The following FYCO1 variants were observed in gnomAD, a reference collection of about 807,000 sequenced individuals.
FYCO1 encodes FYVE and coiled-coil domain autophagy adaptor 1, also known as FYVE and coiled-coil domain-containing protein 1.
A neutral mutation model predicts 165.1 loss-of-function variants in FYCO1; 122 were observed. That is an observed-to-expected ratio of 0.74 (90% CI 0.64 to 0.86). The LOEUF (loss-of-function observed/expected upper bound fraction) is 0.86. Among genes scored for constraint, FYCO1 ranks in the 40% least tolerant of loss-of-function variants. The pLI, the probability that FYCO1 is intolerant of heterozygous loss-of-function variation, is 0.00. For synonymous variants in FYCO1, 648 were observed against 742.5 expected (o/e 0.87, Z 2.07); for missense variants, 1,702 against 1,810.3 (o/e 0.94, Z 1.09).
chr3:45,979,863 C>T (rs533005794), intron 3 of FYCO1, 33 bp from the exon 4 acceptor site: 11 of 1,612,562 alleles, frequency 6.8e-6, no homozygotes, highest in Non-Finnish European at 9.3e-6. Flanking sequence ...AGAGGAGGTC[C>T]AAACCCACTG....
intron 1 of FYCO1, among the ~76,000 whole-genome samples, chr3:45,994,499 T>A (rs962580312): frequency 1.3e-5 from 2 of 152,264 alleles, no homozygotes; most frequent in Non-Finnish European, 2.9e-5. Context: ...ATAACCACGG[T>A]GCACAACTAG....
At chr3:45,922,398 A>C (rs910942133) in intron 17 of FYCO1, among the ~76,000 whole-genome samples, 9 of 152,196 alleles carry the variant, frequency 5.9e-5, no homozygotes, top group Admixed American at 3.9e-4. Flanking sequence ...TGGTCTCTCC[A>C]TCAATCCACA....
intron 1 of FYCO1, among the ~76,000 whole-genome samples, chr3:45,992,993 CG>C (rs1351290038): frequency 2.0e-5 from 3 of 152,182 alleles, no homozygotes; most frequent in Non-Finnish European, 2.9e-5. Flanking sequence ...TCCCCTAACT[CG>C]GGTTCCTGGG....
rs140935582 is a variant in FYCO1 at position 45,951,967 on chromosome 3, A to G, written c.3944+3282T>C. Among the ~76,000 whole-genome samples the G allele has an allele frequency of 1.9e-4, 29 of 152,362 alleles. 1 individual carries two copies. In the East Asian group the frequency reaches 5.6e-3, roughly 29 times the overall value. On this transcript the variant is annotated intron_variant, in intron 14 of 17. Transcript: ENST00000296137. ...CAGGGGAGATGGGCAAAATGCGGAC[A>G]TGGGACGGAGAGAAGAGAGCTGAAC...
chr3:45,980,246 G>T (rs901625549), intron 3 of FYCO1, among the ~76,000 whole-genome samples: 1 of 152,026 alleles, frequency 6.6e-6, no homozygotes, highest in Non-Finnish European at 1.5e-5. Context: ...CTACTCAAGA[G>T]GCTGAGGCAG....
chr3:45,974,535 A>G (rs1159094152), intron 5 of FYCO1, among the ~76,000 whole-genome samples: 1 of 152,248 alleles, frequency 6.6e-6, no homozygotes, highest in African/African-American at 2.4e-5. Flanking sequence ...TAATGAAACA[A>G]AAGGTTTTCC....
At chr3:45,952,370 C>T (rs558954898) in intron 14 of FYCO1, among the ~76,000 whole-genome samples, 155 of 152,266 alleles carry the variant, frequency 1.0e-3, no homozygotes, top group Non-Finnish European at 1.8e-3. Flanking sequence ...CTCAGACTCT[C>T]GGTGTTTTTG....
intron 13 of FYCO1, among the ~76,000 whole-genome samples, chr3:45,957,885 G>A (rs1300434521): frequency 2.6e-5 from 4 of 152,256 alleles, no homozygotes; most frequent in South Asian, 2.1e-4. Flanking sequence ...TCCAGTGCCC[G>A]GAAGGGCAGC....
At chr3:45,986,603 C>T (rs931266289) in intron 1 of FYCO1, among the ~76,000 whole-genome samples, 7 of 152,168 alleles carry the variant, frequency 4.6e-5, no homozygotes, top group Non-Finnish European at 7.3e-5. Context: ...GACACATGCC[C>T]GTACCACAGT....
At position 45,967,052 on chromosome 3, in the gene FYCO1, T is replaced by C; in HGVS notation, c.2282A>G (p.Asp761Gly). Reference sequence around the variant, plus strand: ...GGCAGCCAGCTCACGGGCTTCATTGTCAGTGGGTGGGCCAACTCCCTGTTG... The same window carrying C: ...GGCAGCCAGCTCACGGGCTTCATTGCCAGTGGGTGGGCCAACTCCCTGTTG... Reference protein sequence around the residue: ...KGQQGVGPPTDNEARELAAQL... With the variant: ...KGQQGVGPPTGNEARELAAQL... The change falls in exon 8 of 18, where the codon GAC (aspartate) becomes GGC (glycine). Residue 761 changes from aspartate to glycine, a missense_variant. Coordinates refer to ENST00000296137, the MANE Select transcript of FYCO1 (RefSeq NM_024513.4). The C allele has an allele frequency of 6.2e-7, 1 of 1,613,670 alleles. No homozygotes were observed. The highest frequency in any genetic ancestry group is 8.5e-7 in the Non-Finnish European group (1 of 1,180,010).
intron 1 of FYCO1, among the ~76,000 whole-genome samples, chr3:45,992,428 G>A (rs566618280): frequency 6.6e-6 from 1 of 152,342 alleles, no homozygotes; most frequent in South Asian, 2.1e-4. Flanking sequence ...TCTCTTACCA[G>A]TGGTAGCCAA....
At chr3:45,974,490 G>A (rs1467769226) in intron 5 of FYCO1, among the ~76,000 whole-genome samples, 1 of 152,134 alleles carries the variant, frequency 6.6e-6, no homozygotes, top group Non-Finnish European at 1.5e-5. Context: ...AGAAATATGA[G>A]TACATCTCTA....
In FYCO1 at chr3:45,955,396, G is replaced by T. The variant is rs1334649137; in HGVS notation, c.3800-3C>A. The T allele has an allele frequency of 6.2e-7, 1 of 1,614,148 alleles. No individual in the cohort carries two copies. Among genetic ancestry groups the T allele is most frequent in the Non-Finnish European group, 8.5e-7 (1 of 1,180,024 alleles). Reference sequence around the variant, plus strand: ...TGGCCTGTAGTCTGTATTTGCTCCTGGGCAGCAGAGGCAGATCAGGAGAGA... The same window carrying T: ...TGGCCTGTAGTCTGTATTTGCTCCTTGGCAGCAGAGGCAGATCAGGAGAGA... On this transcript the variant is annotated splice_region_variant and splice_polypyrimidine_tract_variant and intron_variant, in intron 13 of 17. Transcript: ENST00000296137.
chr3:45,936,482 A>C lies in FYCO1; in HGVS notation c.4006T>G (p.Ser1336Ala). 1 of 1,614,092 alleles carries C rather than the reference A, an allele frequency of 6.2e-7. No individual in the cohort carries two copies. Among genetic ancestry groups the C allele is most frequent in the Non-Finnish European group, 8.5e-7 (1 of 1,179,922 alleles). The part of the protein sequence containing the change: ...DTEDMPVGQD[S>A]EICLLKSGEL... Reference sequence around the variant, plus strand: ...CCAGACTTCAGCAGGCAGATTTCCGAATCCTGCCCCACGGGCATGTCTTCA... The same window carrying C: ...CCAGACTTCAGCAGGCAGATTTCCGCATCCTGCCCCACGGGCATGTCTTCA... The change falls in exon 15 of 18, where the codon TCG (serine) becomes GCG (alanine). Residue 1336 changes from serine to alanine, a missense_variant. Transcript: ENST00000296137.
At chr3:45,924,338 T>A (rs1703223394) in intron 16 of FYCO1, among the ~76,000 whole-genome samples, 1 of 152,122 alleles carries the variant, frequency 6.6e-6, no homozygotes, top group South Asian at 2.1e-4. Flanking sequence ...CAGCCTCCTA[T>A]TCACTCTCTG....
chr3:45,964,513 T>C lies in FYCO1; in HGVS notation c.3151-59A>G. 1.9e-6 allele frequency: 3 copies of C among 1,608,358 alleles called. No homozygotes were observed. Among genetic ancestry groups the C allele is most frequent in the Non-Finnish European group, 1.7e-6 (2 of 1,177,674 alleles). On this transcript the variant is annotated intron_variant, in intron 9 of 17. Coordinates refer to ENST00000296137, the MANE Select transcript of FYCO1 (RefSeq NM_024513.4). The surrounding 1 kb of genome is among the most constrained non-coding windows in gnomAD (Gnocchi z 4.1). The stretch of plus-strand genomic sequence containing the variant: ...TTGCAGAAGGCCATGCAACGTACCA[T>C]AAAGTGGCTGGTGTGCCATCCACCC...
intron 17 of FYCO1, among the ~76,000 whole-genome samples, chr3:45,923,099 C>T (rs769749446): frequency 9.2e-5 from 14 of 152,242 alleles, no homozygotes; most frequent in African/African-American, 1.4e-4. Flanking sequence ...CCAACCTATA[C>T]ACTCCTGAAC....
chr3:45,979,596 C>T (rs1706943184), intron 4 of FYCO1, 109 bp downstream of exon 4: 1 of 1,349,638 alleles, frequency 7.4e-7, no homozygotes, highest in Non-Finnish European at 1.1e-6. Context: ...CTTTACCACC[C>T]ATAAACTCCC....
At chr3:45,938,178 C>A (rs1408187032) in intron 14 of FYCO1, 1 of 1,283,818 alleles carries the variant, frequency 7.8e-7, no homozygotes, top group Admixed American at 2.3e-5. Context: ...ACAGTGATGA[C>A]AGACAACGCC....
Sources: allele counts gnomAD v4.1 joint callset (sites outside exome capture counted in the v4.1 genomes callset), GRCh38; gene constraint gnomAD v4.1.1; non-coding constraint Gnocchi (gnomAD v3.1); transcripts MANE v1.5; gene names NCBI Gene and HGNC (gene_info 2026-07-23, HGNC 2026-07-21).